Variants in CHRD observed in about 807,000 individuals in gnomAD.
The protein encoded by CHRD is chordin.
CHRD carries 69 observed loss-of-function variants against 113.7 expected under a neutral mutation model. That is an observed-to-expected ratio of 0.61 (90% confidence interval 0.50 to 0.74). The LOEUF is 0.74. Ranked by LOEUF, CHRD falls within the 30% of genes least tolerant of loss-of-function variation. The probability of loss-of-function intolerance (pLI) is 0.00; values close to 1 mark genes in which losing one functional copy is unlikely to be tolerated. For synonymous variants in CHRD, 561 were observed against 540.8 expected (o/e 1.04, Z -0.52); for missense variants, 1,194 against 1,295.8 (o/e 0.92, Z 1.21).
At chr3:184,383,386 A>G (rs1715779202) in exon 11 of CHRD, 1 of 1,613,652 alleles carries the variant, frequency 6.2e-7, no homozygotes, top group South Asian at 1.1e-5. Context: ...AGCCAGCCTC[A>G]CGCTGCTAGG....
At chr3:184,386,849 G>A (rs1716393197) in exon 17 of CHRD, 3 of 1,614,148 alleles carry the variant, frequency 1.9e-6, no homozygotes, top group South Asian at 1.1e-5. Context: ...CTGCAGAGAC[G>A]AACGGTGATC....
At chr3:184,382,262 T>C in intron 6 of CHRD, 127 bp from the exon 7 acceptor site, 1 of 1,475,816 alleles carries the variant, frequency 6.8e-7, no homozygotes, top group Non-Finnish European at 9.2e-7. Context: ...GCGTTCTTTC[T>C]TAAGCTTCCT....
At position 184,383,004 on chromosome 3, in the gene CHRD, C is replaced by T. The variant is rs975361040; in HGVS notation, c.1066-12C>T. ...TCTTGCTATTGCCCATCACACCCTGCTCTGTCCCCAGGAACCAGGCTTTGC... is the reference window on the plus strand; with the variant it reads ...TCTTGCTATTGCCCATCACACCCTGTTCTGTCCCCAGGAACCAGGCTTTGC... On this transcript the variant is annotated splice_polypyrimidine_tract_variant and intron_variant, in intron 9 of 22. Coordinates refer to ENST00000204604, the Ensembl canonical transcript of CHRD. The T allele has an allele frequency of 4.3e-6, 7 of 1,612,532 alleles. No individual in the cohort carries two copies. The highest frequency in any genetic ancestry group is 5.9e-6 in the Non-Finnish European group (7 of 1,179,416).
At chr3:184,385,280 T>C (rs774314866) in intron 14 of CHRD, 42 bp downstream of exon 14, 3 of 1,514,002 alleles carry the variant, frequency 2.0e-6, no homozygotes, top group Non-Finnish European at 2.7e-6. Context: ...ACATTTCTGT[T>C]TTTTAGCTTG....
At chr3:184,383,023 G>C in exon 10 of CHRD, 1 of 1,612,548 alleles carries the variant, frequency 6.2e-7, no homozygotes, top group African/African-American at 1.3e-5. Context: ...CAGGAACCAG[G>C]CTTTGCTGAG....
rs560848946 is a variant in CHRD at position 184,382,216 on chromosome 3, G to T, written c.700-173G>T. ...TTCAAGGTCACACAGCTAGTAAGTG[G>T]TGCAGCCAGGATTGGAACCCAAGCA... On this transcript the variant is annotated intron_variant, in intron 6 of 22. Transcript: ENST00000204604. 6.5e-5 allele frequency: 80 copies of T among 1,234,206 alleles called. No individual in the cohort carries two copies. In the African/African-American group the frequency reaches 1.1e-3, roughly 18 times the overall value. The allele number at this position is 1,234,206 out of a possible 1,614,324, so 76.5% of individuals were successfully genotyped here. A position where few individuals can be genotyped will look rare whatever the true frequency, so the allele number is the denominator to read the frequency against.
downstream of CHRD, chr3:184,389,872 G>C (rs894006386): frequency 3.8e-5 from 6 of 159,368 alleles, no homozygotes; most frequent in African/African-American, 1.4e-4. Context: ...AACCTGAGTG[G>C]GGCCTGGTGG....
rs1715684197 is a variant in CHRD at position 184,382,954 on chromosome 3, G to C, written c.1065+16G>C. The stretch of plus-strand genomic sequence containing the variant: ...CTCAGCCCAGGTGAGTGGGGATCTG[G>C]CTCTCGCTGCCACCTGTCTTGGCCT... On this transcript the variant is annotated intron_variant, in intron 9 of 22. Coordinates refer to ENST00000204604, the Ensembl canonical transcript of CHRD. 5.0e-6 allele frequency: 8 copies of C among 1,613,696 alleles called. No homozygotes were observed. The highest frequency in any genetic ancestry group is 6.8e-6 in the Non-Finnish European group (8 of 1,179,878).
chr3:184,384,458 G>A lies in CHRD; in HGVS notation c.1441-79G>A. On this transcript the variant is annotated intron_variant, in intron 12 of 22. Coordinates refer to ENST00000204604, the Ensembl canonical transcript of CHRD. The surrounding 1 kb of genome is among the most constrained non-coding windows in gnomAD (Gnocchi z 4.4). ...GTGTGGAAGTGTGTGTGGGTGGAGT[G>A]GGGGCACAAAATGGTCCAAGACTTC... 5 of 1,364,118 alleles carry A rather than the reference G, an allele frequency of 3.7e-6. No homozygotes were observed. The highest frequency in any genetic ancestry group is 3.8e-6 in the Non-Finnish European group (4 of 1,055,026). The allele number at this position is 1,364,118 out of a possible 1,614,324, so 84.5% of individuals were successfully genotyped here.
chr3:184,386,542 CG>C lies in CHRD; in HGVS notation c.1987del (p.Ala663ProfsTer26), dbSNP rs1716315400. 2.0e-6 allele frequency: 3 copies of C among 1,536,450 alleles called. No homozygotes were observed. The highest frequency in any genetic ancestry group is 1.7e-6 in the Non-Finnish European group (2 of 1,148,956). On this transcript the variant is annotated frameshift_variant, in exon 16 of 23. Coordinates refer to ENST00000204604, the Ensembl canonical transcript of CHRD. LOFTEE classifies it high-confidence loss of function. ...TTGGCGGACTGCGCCTGGAGGCGGC[CG>C]GGGCCGAGGGGGTGCGGGCGCTGGG...
chr3:184,386,896 C>T, exon 17 of CHRD: 1 of 1,614,214 alleles, frequency 6.2e-7, no homozygotes, highest in Non-Finnish European at 8.5e-7. Context: ...CAGCTGCCCA[C>T]ACCCGGTGCA....
exon 23 of CHRD, chr3:184,389,492 T>A: frequency 2.2e-6 from 3 of 1,389,002 alleles, no homozygotes; most frequent in Non-Finnish European, 3.0e-6. Context: ...ATCGAGGACC[T>A]TCTTGCATTC....
In CHRD at chr3:184,381,515, G is replaced by T; in HGVS notation, c.402G>T (p.Arg134=). The T allele has an allele frequency of 6.3e-7, 1 of 1,599,350 alleles. No individual in the cohort carries two copies. ...CCGCAGAGCGCAGCAGTTCGGAGCG[G>T]CAGCCGAGCGGCCTGTCCTTCGAGT... is the stretch of plus-strand genomic sequence containing the variant. Residue 134 remains arginine (R), a synonymous_variant, in exon 4 of 23, where the codon CGG becomes CGT. Coordinates refer to ENST00000204604, the Ensembl canonical transcript of CHRD. This position sits in a 1 kb window ranked among gnomAD's most constrained non-coding sequence, Gnocchi z 4.7.
Position 184,384,904 on chromosome 3 carries a change from A to G in CHRD, c.1598-114A>G. The G allele has an allele frequency of 3.9e-6, 5 of 1,284,762 alleles. No homozygotes were observed. The highest frequency in any genetic ancestry group is 5.5e-6 in the Non-Finnish European group (5 of 910,016). 79.6% of individuals were successfully genotyped at this position (1,284,762 alleles called of 1,614,324 possible). A position where few individuals can be genotyped will look rare whatever the true frequency, so the allele number is the denominator to read the frequency against. ...TTGCTGCTCTCCAGGCCCTGGACCT[A>G]TGGACAGTGTCTTCCAGCTCGTGGA... On this transcript the variant is annotated intron_variant, in intron 13 of 22. Transcript: ENST00000204604. This position sits in a 1 kb window ranked among gnomAD's most constrained non-coding sequence, Gnocchi z 4.4.
downstream of CHRD, chr3:184,390,222 C>A (rs1393234129): frequency 1.8e-5 from 2 of 110,534 alleles, no homozygotes; most frequent in African/African-American, 6.8e-5. Flanking sequence ...CCCTCCCCTC[C>A]CCTCCCCTCC....
rs146674509 is a variant in CHRD at position 184,383,064 on chromosome 3, G to C, written c.1114G>C (p.Asp372His). 2.0e-5 allele frequency: 33 copies of C among 1,612,012 alleles called. No homozygotes were observed. In the African/African-American group the frequency reaches 4.3e-4, roughly 21 times the overall value. The change falls in exon 10 of 23, where the codon GAC (aspartate) becomes CAC (histidine). Residue 372 changes from aspartate (D) to histidine (H), a missense_variant. Coordinates refer to ENST00000204604, the Ensembl canonical transcript of CHRD. The stretch of plus-strand genomic sequence containing the variant: ...GCCCAACCTGACAGTCCAGGAGATG[G>C]ACTGGCTGGTGCTGGGGGAGCTGCA...
At chr3:184,385,959 G>A in intron 14 of CHRD, 87 bp from the exon 15 acceptor site, 1 of 1,356,860 alleles carries the variant, frequency 7.4e-7, no homozygotes, top group Non-Finnish European at 1.1e-6. Flanking sequence ...AACCTCCCTG[G>A]CTCTCAGTTT....
chr3:184,385,222 G>C lies in CHRD; in HGVS notation c.1802G>C (p.Gly601Ala), dbSNP rs569396672. 9 of 1,613,600 alleles carry C rather than the reference G, an allele frequency of 5.6e-6. No homozygotes were observed. In the East Asian group the frequency reaches 1.1e-4, roughly 20 times the overall value. Reference sequence around the variant, plus strand: ...CCAGGGCCTCGGCGGCTGCTGAAGGGATTCTATGGCTCAGAGGTAAGGATG... The same window carrying C: ...CCAGGGCCTCGGCGGCTGCTGAAGGCATTCTATGGCTCAGAGGTAAGGATG... Residue 601 changes from glycine to alanine, a missense_variant, in exon 14 of 23, where the codon GGA (glycine) becomes GCA (alanine). Transcript: ENST00000204604.
Position 184,382,377 on chromosome 3 carries a change from T to TC in CHRD, c.700-11dup, listed in dbSNP as rs758180563. The TC allele has an allele frequency of 1.9e-6, 3 of 1,614,020 alleles. No homozygotes were observed. The highest frequency in any genetic ancestry group is 1.7e-6 in the Non-Finnish European group (2 of 1,179,992). On this transcript the variant is annotated splice_polypyrimidine_tract_variant and intron_variant, in intron 6 of 22. Transcript: ENST00000204604. ...TGTCTGAGCGTAGGGCCTTCTTGTC[T>TC]CTCTGCTCCAGGTCTGTGGGGTGTG...
Sources: allele counts gnomAD v4.1 joint callset, GRCh38; gene constraint gnomAD v4.1.1; non-coding constraint Gnocchi (gnomAD v3.1); transcripts MANE v1.5; gene names NCBI Gene and HGNC (gene_info 2026-07-23, HGNC 2026-07-21).